The following DOCK3 variants were observed in gnomAD, a reference collection of about 807,000 sequenced individuals.
The protein encoded by DOCK3 is dedicator of cytokinesis 3, also known as dedicator of cytokinesis protein 3.
DOCK3 carries 60 observed loss-of-function variants against 265.6 expected under a neutral mutation model. That is an observed-to-expected ratio of 0.23 (90% CI 0.18 to 0.28). The LOEUF (loss-of-function observed/expected upper bound fraction) is 0.28. Among genes scored for constraint, DOCK3 ranks in the 10% least tolerant of loss-of-function variants. The pLI is 1.00. For missense variants in DOCK3, 1,981 were observed against 2,594.3 expected (o/e 0.76, Z 5.14); for synonymous variants, 881 against 938.0 (o/e 0.94, Z 1.11).
intron 3 of DOCK3, among the ~76,000 whole-genome samples, chr3:50,845,453 C>A (rs1406223509): frequency 6.6e-6 from 1 of 152,028 alleles, no homozygotes; most frequent in East Asian, 1.9e-4. Context: ...GGAACAGGGC[C>A]TTATGGAATG....
intron 5 of DOCK3, among the ~76,000 whole-genome samples, chr3:51,016,487 TC>T (rs1230183774): frequency 6.3e-5 from 6 of 95,278 alleles, no homozygotes; most frequent in African/African-American, 2.4e-4. Context: ...AATATATATA[TC>T]ATATATTTCT....
chr3:50,886,505 C>G (rs1034548864), intron 3 of DOCK3, among the ~76,000 whole-genome samples: 2 of 150,788 alleles, frequency 1.3e-5, no homozygotes, highest in African/African-American at 4.9e-5. Flanking sequence ...TGCGCTGCAC[C>G]CACTAACTGG....
At chr3:51,023,221 T>C (rs2079670166) in intron 5 of DOCK3, among the ~76,000 whole-genome samples, 2 of 152,162 alleles carry the variant, frequency 1.3e-5, no homozygotes, top group African/African-American at 4.8e-5. Context: ...TAATCTCATA[T>C]TTCTTGGAGA....
At position 51,361,673 on chromosome 3, in the gene DOCK3, C is replaced by T. The variant is rs546315148; in HGVS notation, c.5007-186C>T. ...ACCATTGTCTCTCCCAGACCAAGGG[C>T]TCCTGAGTAGCAGGGTACAGCTCAG... is the stretch of plus-strand genomic sequence containing the variant. On this transcript the variant is annotated intron_variant, in intron 47 of 52. Transcript: ENST00000266037. The surrounding 1 kb of genome is among the most constrained non-coding windows in gnomAD (Gnocchi z 4.2). Among the ~76,000 whole-genome samples, 26 of 152,304 alleles carry T rather than the reference C, an allele frequency of 1.7e-4. No homozygotes were observed. Among genetic ancestry groups the T allele is most frequent in the African/African-American group, 6.0e-4 (25 of 41,554 alleles).
chr3:51,097,553 G>A (rs2082906232), intron 9 of DOCK3, among the ~76,000 whole-genome samples: 1 of 152,204 alleles, frequency 6.6e-6, no homozygotes, highest in Admixed American at 6.5e-5. Context: ...CCATGGGGGT[G>A]GGATCTGCTG....
chr3:51,153,416 C>T (rs2085704946), intron 10 of DOCK3, among the ~76,000 whole-genome samples: 1 of 152,208 alleles, frequency 6.6e-6, no homozygotes, highest in Non-Finnish European at 1.5e-5. Flanking sequence ...TCTGTCATGG[C>T]TTCCCTTGGC....
At chr3:51,380,616 A>G (rs1553618247) in intron 52 of DOCK3, among the ~76,000 whole-genome samples, 1 of 152,258 alleles carries the variant, frequency 6.6e-6, no homozygotes, top group Non-Finnish European at 1.5e-5. Flanking sequence ...TCAGGAGAGT[A>G]AAATTTCCTA....
intron 21 of DOCK3, among the ~76,000 whole-genome samples, chr3:51,244,018 A>C (rs549890071): frequency 3.3e-5 from 5 of 152,312 alleles, no homozygotes; most frequent in African/African-American, 1.2e-4. Context: ...CCCCTTGACC[A>C]TATATGTGAG....
chr3:51,100,650 A>G (rs1282673897), intron 9 of DOCK3, among the ~76,000 whole-genome samples: 1 of 152,244 alleles, frequency 6.6e-6, no homozygotes, highest in Non-Finnish European at 1.5e-5. Context: ...ATTCACCATT[A>G]AAACAAAAAT....
At chr3:50,998,157 A>G (rs1050764441) in intron 5 of DOCK3, among the ~76,000 whole-genome samples, 11 of 152,216 alleles carry the variant, frequency 7.2e-5, no homozygotes, top group Non-Finnish European at 1.2e-4. Context: ...TTAGGTAACA[A>G]AAATTGCCCT....
chr3:50,885,164 AT>A (rs751397092), intron 3 of DOCK3, among the ~76,000 whole-genome samples: 3 of 151,936 alleles, frequency 2.0e-5, no homozygotes, highest in Non-Finnish European at 4.4e-5. Context: ...TTTCAGATTG[AT>A]TTCTTTCACT....
intron 1 of DOCK3, among the ~76,000 whole-genome samples, chr3:50,764,913 G>T (rs1217130496): frequency 2.0e-5 from 3 of 151,888 alleles, no homozygotes; most frequent in Non-Finnish European, 4.4e-5. Flanking sequence ...ATGTTAAAGG[G>T]CATATTTGTT....
At chr3:51,203,748 T>C (rs1269077921) in intron 12 of DOCK3, among the ~76,000 whole-genome samples, 1 of 152,198 alleles carries the variant, frequency 6.6e-6, no homozygotes, top group Non-Finnish European at 1.5e-5. Flanking sequence ...GGCATCACGC[T>C]ACCTGACTTC....
chr3:51,207,887 C>T (rs138828707), intron 12 of DOCK3, among the ~76,000 whole-genome samples: 100 of 152,212 alleles, frequency 6.6e-4, no homozygotes, highest in African/African-American at 2.3e-3. Flanking sequence ...TGTGGGAACT[C>T]CCTAAGTGTC....
chr3:51,356,359 T>G, intron 42 of DOCK3, 48 bp from the exon 43 acceptor site: 1 of 1,612,468 alleles, frequency 6.2e-7, no homozygotes, highest in Non-Finnish European at 8.5e-7. Context: ...AGGCAGGGTG[T>G]GGCAAAACTT....
At chr3:51,155,105 G>A (rs1251691704) in intron 10 of DOCK3, among the ~76,000 whole-genome samples, 2 of 152,052 alleles carry the variant, frequency 1.3e-5, no homozygotes, top group African/African-American at 4.8e-5. Flanking sequence ...TCGGTCTCCT[G>A]AGTAGTGGGG....
intron 12 of DOCK3, among the ~76,000 whole-genome samples, chr3:51,183,962 G>A (rs1002141607): frequency 6.6e-6 from 1 of 152,068 alleles, no homozygotes; most frequent in Non-Finnish European, 1.5e-5. Context: ...CACTCCAATT[G>A]CAATGACCAT....
chr3:51,111,868 AC>A (rs1281249663), intron 9 of DOCK3, among the ~76,000 whole-genome samples: 1 of 152,200 alleles, frequency 6.6e-6, no homozygotes, highest in African/African-American at 2.4e-5. Flanking sequence ...CAAGAAAAAA[AC>A]AACTTCAATA....
intron 2 of DOCK3, among the ~76,000 whole-genome samples, chr3:50,825,055 A>G (rs1170895440): frequency 6.6e-6 from 1 of 152,222 alleles, no homozygotes; most frequent in Non-Finnish European, 1.5e-5. Flanking sequence ...AATTATTTTA[A>G]TAATATTGGG....
Sources: allele counts gnomAD v4.1 joint callset (sites outside exome capture counted in the v4.1 genomes callset), GRCh38; gene constraint gnomAD v4.1.1; non-coding constraint Gnocchi (gnomAD v3.1); transcripts MANE v1.5; gene names NCBI Gene and HGNC (gene_info 2026-07-23, HGNC 2026-07-21).